Variants in PIP5K1B observed in about 807,000 individuals in gnomAD.
PIP5K1B encodes the protein phosphatidylinositol-4-phosphate 5-kinase type 1 beta.
In PIP5K1B, 42 loss-of-function variants were observed where a neutral mutation model predicts 67.0. That is an observed-to-expected ratio of 0.63 (90% CI 0.49 to 0.81). PIP5K1B has a LOEUF of 0.81. Among genes scored for constraint, PIP5K1B ranks in the 30% least tolerant of loss-of-function variants. The probability of loss-of-function intolerance (pLI) is 0.00; values close to 1 mark genes in which losing one functional copy is unlikely to be tolerated. For synonymous variants in PIP5K1B, 214 were observed against 231.4 expected (o/e 0.92, Z 0.68); for missense variants, 459 against 646.3 (o/e 0.71, Z 3.14).
chr9:68,807,070 T>A (rs1393318968), intron 2 of PIP5K1B, among the ~76,000 whole-genome samples: 1 of 152,030 alleles, frequency 6.6e-6, no homozygotes, highest in Non-Finnish European at 1.5e-5. Flanking sequence ...ACTCTAATCC[T>A]GTTAAAGACT....
intron 6 of PIP5K1B, among the ~76,000 whole-genome samples, chr9:68,880,556 AAC>A (rs35017818): frequency 0.095 from 11,237 of 118,536 alleles, 591 homozygotes; most frequent in East Asian, 0.26. Context: ...CTGCATCTGA[AAC>A]ACACACACAC....
intron 2 of PIP5K1B, among the ~76,000 whole-genome samples, chr9:68,797,399 G>A (rs1404096055): frequency 6.6e-6 from 1 of 152,190 alleles, no homozygotes; most frequent in Non-Finnish European, 1.5e-5. Flanking sequence ...TATATTCTAG[G>A]ATTCTCCAGC....
intron 4 of PIP5K1B, among the ~76,000 whole-genome samples, chr9:68,835,962 T>C (rs1049055730): frequency 2.0e-5 from 3 of 152,164 alleles, no homozygotes; most frequent in African/African-American, 7.2e-5. Context: ...GAACCCTTTT[T>C]CCTCATCTGT....
At chr9:68,933,740 A>G (rs746805022) in intron 12 of PIP5K1B, among the ~76,000 whole-genome samples, 28 of 152,182 alleles carry the variant, frequency 1.8e-4, no homozygotes, top group Non-Finnish European at 3.1e-4. Flanking sequence ...AATGTTATTT[A>G]TTAGGATGAT....
chr9:68,767,742 T>C (rs2132411841), intron 2 of PIP5K1B, among the ~76,000 whole-genome samples: 1 of 152,214 alleles, frequency 6.6e-6, no homozygotes, highest in South Asian at 2.1e-4. Context: ...AAAACCTGTA[T>C]GGTCATCTTA....
intron 1 of PIP5K1B, among the ~76,000 whole-genome samples, chr9:68,708,410 T>C (rs564946281): frequency 1.3e-5 from 2 of 152,340 alleles, no homozygotes; most frequent in East Asian, 1.9e-4. Flanking sequence ...CCTACAGGCA[T>C]GTGCCTCCTG....
At chr9:68,914,734 T>C (rs1431888907) in intron 8 of PIP5K1B, among the ~76,000 whole-genome samples, 1 of 151,072 alleles carries the variant, frequency 6.6e-6, no homozygotes, top group Non-Finnish European at 1.5e-5. Flanking sequence ...AATAAACAAA[T>C]AAATAAATAA....
At chr9:68,810,583 T>C (rs567805104) in intron 2 of PIP5K1B, among the ~76,000 whole-genome samples, 4 of 152,312 alleles carry the variant, frequency 2.6e-5, no homozygotes, top group African/African-American at 9.6e-5. Flanking sequence ...CTCCCACTTA[T>C]TTGGCCATGT....
intron 2 of PIP5K1B, among the ~76,000 whole-genome samples, chr9:68,751,548 A>G (rs1458493729): frequency 6.6e-6 from 1 of 152,222 alleles, no homozygotes; most frequent in Non-Finnish European, 1.5e-5. Flanking sequence ...TCCAGCTACT[A>G]AAAATGCAGT....
At chr9:68,871,068 T>C (rs1175563463) in intron 5 of PIP5K1B, among the ~76,000 whole-genome samples, 2 of 152,194 alleles carry the variant, frequency 1.3e-5, no homozygotes, top group African/African-American at 2.4e-5. Flanking sequence ...CACTTGGTCA[T>C]CAGGCTCTAA....
At position 68,878,013 on chromosome 9, in the gene PIP5K1B, CTGTGTGTGTGTG is replaced by C. The variant is rs35871698; in HGVS notation, c.318+1249_318+1260del. Among the ~76,000 whole-genome samples the C allele has an allele frequency of 8.4e-5, 12 of 142,094 alleles. No individual in the cohort carries two copies. In the South Asian group the frequency reaches 9.5e-4, roughly 11 times the overall value. The allele number at this position is 142,094 out of a possible 152,430, so 93.2% of individuals were successfully genotyped here. On this transcript the variant is annotated intron_variant, in intron 6 of 15. Coordinates refer to ENST00000265382, the MANE Select transcript of PIP5K1B (RefSeq NM_003558.4). ...AAGTACACAAGCACACGCATTTGTT[CTGTGTGTGTGTG>C]TGTGTGTGTGTGTGTGTGTGTGTGT...
chr9:68,935,983 A>G (rs1347163789), intron 13 of PIP5K1B: 1 of 152,232 alleles, frequency 6.6e-6, no homozygotes, highest in Non-Finnish European at 1.5e-5. Flanking sequence ...TGAGCGCTTT[A>G]ATGAATTTCA....
intron 8 of PIP5K1B, among the ~76,000 whole-genome samples, chr9:68,902,293 T>G (rs1255553531): frequency 6.6e-6 from 1 of 152,230 alleles, no homozygotes; most frequent in Non-Finnish European, 1.5e-5. Context: ...CCTAATCCTG[T>G]GCAATTACCA....
At chr9:68,971,262 G>A (rs985982422) in intron 14 of PIP5K1B, among the ~76,000 whole-genome samples, 2 of 152,124 alleles carry the variant, frequency 1.3e-5, no homozygotes, top group Non-Finnish European at 2.9e-5. Context: ...TTCTGTTCTT[G>A]TGTTAGTTTG....
At chr9:68,807,400 C>T (rs1354951782) in intron 2 of PIP5K1B, among the ~76,000 whole-genome samples, 1 of 152,142 alleles carries the variant, frequency 6.6e-6, no homozygotes, top group Non-Finnish European at 1.5e-5. Flanking sequence ...CTGCTCAGTC[C>T]TTTTCTGCCC....
chr9:68,728,781 T>C (rs2132282430), intron 1 of PIP5K1B: 1 of 152,246 alleles, frequency 6.6e-6, no homozygotes, highest in African/African-American at 2.4e-5. Context: ...GAGAAGCCAT[T>C]AGAGGGTTGA....
chr9:68,781,121 T>A, intron 2 of PIP5K1B: 1 of 1,473,040 alleles, frequency 6.8e-7, no homozygotes. Flanking sequence ...TTGAGGCTAT[T>A]TCCTATTTGA....
intron 2 of PIP5K1B, among the ~76,000 whole-genome samples, chr9:68,791,753 G>A (rs185677524): frequency 6.0e-4 from 91 of 152,230 alleles, no homozygotes; most frequent in Non-Finnish European, 1.3e-4. Flanking sequence ...CTTGCTTTCA[G>A]TTATTTCTAA....
At chr9:68,822,545 A>G in intron 3 of PIP5K1B, 70 bp from the exon 4 acceptor site, 2 of 1,086,656 alleles carry the variant, frequency 1.8e-6, no homozygotes, top group South Asian at 2.9e-5. Flanking sequence ...TCCTTTGGTT[A>G]GCAATATTAT....
Sources: gnomAD v4.1 joint callset for allele counts (sites outside exome capture counted in the v4.1 genomes callset) on GRCh38, gnomAD v4.1.1 for gene constraint, MANE v1.5 for transcripts, NCBI Gene and HGNC (gene_info 2026-07-23, HGNC 2026-07-21) for gene names.